NR6A1: variants seen among roughly 807,000 people sequenced by gnomAD.
The protein encoded by NR6A1 is nuclear receptor subfamily 6 group A member 1.
In NR6A1, 7 loss-of-function variants were observed where a neutral mutation model predicts 59.1. The ratio of observed to expected loss-of-function variants is 0.12; its 90% CI spans 0.07 to 0.22. NR6A1 has a LOEUF of 0.22. Among genes scored for constraint, NR6A1 ranks in the 10% least tolerant of loss-of-function variants. NR6A1 has a pLI of 1.00. For synonymous variants in NR6A1, 243 were observed against 236.1 expected (o/e 1.03, Z -0.27); for missense variants, 468 against 611.6 (o/e 0.77, Z 2.48).
intron 2 of NR6A1, among the ~76,000 whole-genome samples, chr9:124,665,206 T>C (rs1157743606): frequency 6.7e-6 from 1 of 149,446 alleles, no homozygotes; most frequent in African/African-American, 2.5e-5. Flanking sequence ...AAGAATAAAA[T>C]AAATAAACGG....
chr9:124,589,172 G>A (rs1366259847), intron 2 of NR6A1, among the ~76,000 whole-genome samples: 1 of 152,040 alleles, frequency 6.6e-6, no homozygotes, highest in African/African-American at 2.4e-5. Context: ...AACAGGCCAG[G>A]CCGGTGGCTC....
At chr9:124,636,328 G>GT (rs368152344) in intron 2 of NR6A1, among the ~76,000 whole-genome samples, 11 of 151,602 alleles carry the variant, frequency 7.3e-5, no homozygotes, top group South Asian at 4.2e-4. Flanking sequence ...CATCAGGTAT[G>GT]TTTTTTTTCA....
rs1193022454 is a variant in NR6A1, at chr9:124,519,328, G to A, written c.*3377C>T. The A allele has an allele frequency of 6.6e-6, 1 of 152,256 alleles. No homozygotes were observed. The highest frequency in any genetic ancestry group is 1.5e-5 in the Non-Finnish European group (1 of 68,076). The allele number at this position is 152,256 out of a possible 1,614,324, so 9.4% of individuals were successfully genotyped here. A position where few individuals can be genotyped will look rare whatever the true frequency, so the allele number is the denominator to read the frequency against. ...CCACCTCTCTTGTGAGTGGGGCATA[G>A]GGGCTGGGTGTCCTCTGAGCCAGGT... On this transcript the variant is annotated 3_prime_UTR_variant, in exon 10 of 10. Coordinates refer to ENST00000487099, the MANE Select transcript of NR6A1 (RefSeq NM_033334.4).
At chr9:124,568,164 C>A (rs1313476709) in intron 2 of NR6A1, among the ~76,000 whole-genome samples, 1 of 64,002 alleles carries the variant, frequency 1.6e-5, no homozygotes, top group Admixed American at 2.6e-4. Flanking sequence ...AGCAATACTT[C>A]ATCTCAAAAA....
intron 2 of NR6A1, among the ~76,000 whole-genome samples, chr9:124,647,724 C>CAAAAAAAAAAAAA (rs35591437): frequency 1.8e-5 from 1 of 56,060 alleles, no homozygotes; most frequent in African/African-American, 5.2e-5. Context: ...GAGACCGTCT[C>CAAAAAAAAAAAAA]AAAAAAAAAA....
At chr9:124,604,120 A>G (rs1402768378) in intron 2 of NR6A1, among the ~76,000 whole-genome samples, 1 of 152,206 alleles carries the variant, frequency 6.6e-6, no homozygotes, top group East Asian at 1.9e-4. Flanking sequence ...ACAAGAAATA[A>G]CGCACATAAT....
At position 124,686,587 on chromosome 9, in the gene NR6A1, G is replaced by GA. The variant is rs200404081; in HGVS notation, c.142+46720dup. On this transcript the variant is annotated intron_variant, in intron 2 of 9. Transcript: ENST00000487099. ...GATTACAAATATCCTGATTTACCAT[G>GA]AAAAAAAACGAGTCCTGCTTCCTGT... Among the ~76,000 whole-genome samples the GA allele has an allele frequency of 1.9e-4, 29 of 151,236 alleles. 1 individual carries two copies. The highest frequency in any genetic ancestry group is 3.6e-4 in the African/African-American group (15 of 41,246).
chr9:124,634,045 G>A lies in NR6A1; in HGVS notation c.143-79475C>T, dbSNP rs1457661658. Among the ~76,000 whole-genome samples the A allele has an allele frequency of 3.9e-5, 6 of 152,316 alleles. No homozygotes were observed. The South Asian group carries it at 1.2e-3, about 32-fold the overall frequency. ...AATATATGTTTTTGGAATGAATTAA[G>A]TTGATTATTCAGAGGATGATAATCC... On this transcript the variant is annotated intron_variant, in intron 2 of 9. Transcript: ENST00000487099.
chr9:124,696,163 A>C (rs540038618), intron 2 of NR6A1, among the ~76,000 whole-genome samples: 59 of 152,334 alleles, frequency 3.9e-4, no homozygotes, highest in African/African-American at 1.4e-3. Flanking sequence ...AGCAAGGCGC[A>C]AAGTCAATTA....
intron 4 of NR6A1, among the ~76,000 whole-genome samples, chr9:124,542,528 T>C (rs1305059084): frequency 6.6e-6 from 1 of 152,190 alleles, no homozygotes; most frequent in African/African-American, 2.4e-5. Flanking sequence ...CTATTATCTG[T>C]ATCTCTTGCC....
At position 124,526,816 on chromosome 9, in the gene NR6A1, C is replaced by T. The variant is rs2131322656; in HGVS notation, c.1164G>A (p.Glu388=). The T allele has an allele frequency of 1.9e-6, 3 of 1,614,082 alleles. No individual in the cohort carries two copies. Among genetic ancestry groups the T allele is most frequent in the Non-Finnish European group, 2.5e-6 (3 of 1,179,930 alleles). The change falls in exon 8 of 10, where the codon GAG becomes GAA. Residue 388 remains glutamate (E), a synonymous_variant. Transcript: ENST00000487099. ...KFHQLKVSNE[E]YACMKAINFL... Reference sequence around the variant, plus strand: ...AGTTAATTGCTTTCATGCAAGCATACTCCTCGTTGCTGACCTTTAGCTGAT... The same window carrying T: ...AGTTAATTGCTTTCATGCAAGCATATTCCTCGTTGCTGACCTTTAGCTGAT...
chr9:124,572,564 A>G (rs1196958484), intron 2 of NR6A1, among the ~76,000 whole-genome samples: 2 of 152,234 alleles, frequency 1.3e-5, no homozygotes, highest in African/African-American at 4.8e-5. Context: ...AGTGAGAATC[A>G]AACCTGGTTT....
chr9:124,764,398 A>G (rs1017265300), intron 1 of NR6A1, among the ~76,000 whole-genome samples: 1 of 152,192 alleles, frequency 6.6e-6, no homozygotes, highest in South Asian at 2.1e-4. Flanking sequence ...AAAATAGAGA[A>G]TACAGAAATT....
At chr9:124,550,274 C>T (rs1461949223) in intron 3 of NR6A1, among the ~76,000 whole-genome samples, 1 of 151,714 alleles carries the variant, frequency 6.6e-6, no homozygotes, top group Non-Finnish European at 1.5e-5. Flanking sequence ...TATTTGCAGA[C>T]TATGCAAATA....
At chr9:124,649,163 G>A (rs993291588) in intron 2 of NR6A1, among the ~76,000 whole-genome samples, 1 of 148,750 alleles carries the variant, frequency 6.7e-6, no homozygotes, top group Non-Finnish European at 1.5e-5. Flanking sequence ...AAGAACACAG[G>A]TGGAGGTATC....
chr9:124,687,874 T>A (rs1370007026), intron 2 of NR6A1, among the ~76,000 whole-genome samples: 1 of 152,206 alleles, frequency 6.6e-6, no homozygotes, highest in Non-Finnish European at 1.5e-5. Flanking sequence ...GTTCCAAGAC[T>A]CCCAGCAGAC....
chr9:124,518,634 A>G lies in NR6A1; in HGVS notation c.*4071T>C, dbSNP rs1229151816. 2 of 152,192 alleles carry G rather than the reference A, an allele frequency of 1.3e-5. No homozygotes were observed. Among genetic ancestry groups the G allele is most frequent in the African/African-American group, 4.8e-5 (2 of 41,502 alleles). The allele number at this position is 152,192 out of a possible 1,614,324, so 9.4% of individuals were successfully genotyped here. On this transcript the variant is annotated 3_prime_UTR_variant, in exon 10 of 10. Transcript: ENST00000487099. ...GACATAGATGCTTCAAGCCAAGGAG[A>G]AAGGGAGGATGATCAGTTGCAAAGG...
intron 8 of NR6A1, among the ~76,000 whole-genome samples, chr9:124,525,190 C>A (rs1025578406): frequency 1.3e-5 from 2 of 151,860 alleles, no homozygotes; most frequent in African/African-American, 4.8e-5. Flanking sequence ...GAATAACCTA[C>A]CTTTCCAAAT....
chr9:124,581,988 G>A (rs1017849566), intron 2 of NR6A1, among the ~76,000 whole-genome samples: 10 of 152,194 alleles, frequency 6.6e-5, no homozygotes, highest in African/African-American at 2.4e-4. Flanking sequence ...GTGAATATTA[G>A]TTCAACCATT....
Sources: allele counts gnomAD v4.1 joint callset (sites outside exome capture counted in the v4.1 genomes callset), GRCh38; gene constraint gnomAD v4.1.1; transcripts MANE v1.5; gene names NCBI Gene and HGNC (gene_info 2026-07-23, HGNC 2026-07-21).